Variants in PCNX4 observed in about 807,000 individuals in gnomAD.
PCNX4 encodes pecanex 4.
A neutral mutation model predicts 107.2 loss-of-function variants in PCNX4; 103 were observed. That is an observed-to-expected ratio of 0.96 (90% CI 0.82 to 1.13). The LOEUF is 1.13. Ranked by LOEUF, PCNX4 falls within the 50% of genes most tolerant of loss-of-function variation. The pLI, the probability that PCNX4 is intolerant of heterozygous loss-of-function variation, is 0.00. For missense variants in PCNX4, 1,528 were observed against 1,379.4 expected, an observed-to-expected ratio of 1.11 and a Z score of -1.71; for synonymous variants, 541 against 481.7, an observed-to-expected ratio of 1.12 and a Z score of -1.61.
intron 2 of PCNX4, among the ~76,000 whole-genome samples, chr14:60,113,399 G>A (rs528930932): frequency 5.0e-4 from 76 of 151,982 alleles, no homozygotes; most frequent in African/African-American, 1.8e-3. Context: ...ACAGAGTTTC[G>A]CTCTTGTTGC....
rs79900253 is a variant in PCNX4 at position 60,138,096 on chromosome 14, GAA to G, written c.*3889_*3890del. ...ACAGAGCGAGACTCCATCTCAAAAA[GAA>G]AAAAAAAAAAAAAGGATTCAGTGAA... On this transcript the variant is annotated 3_prime_UTR_variant, in exon 11 of 11. Coordinates refer to ENST00000406854, the MANE Select transcript of PCNX4 (RefSeq NM_001330177.2). 5 of 76,186 alleles carry G rather than the reference GAA, an allele frequency of 6.6e-5. No individual in the cohort carries two copies. The highest frequency in any genetic ancestry group is 1.4e-4 in the Admixed American group (1 of 6,942). The allele number at this position is 76,186 out of a possible 1,614,324, so 4.7% of individuals were successfully genotyped here. A position where few individuals can be genotyped will look rare whatever the true frequency, so the allele number is the denominator to read the frequency against.
chr14:60,127,474 T>C (rs1186210528), intron 10 of PCNX4, among the ~76,000 whole-genome samples: 1 of 152,158 alleles, frequency 6.6e-6, no homozygotes, highest in Non-Finnish European at 1.5e-5. Flanking sequence ...GCCAAAACCA[T>C]CCCAAGGTAG....
chr14:60,111,748 A>G (rs765645717), intron 2 of PCNX4, among the ~76,000 whole-genome samples: 39 of 152,322 alleles, frequency 2.6e-4, no homozygotes, highest in Admixed American at 3.9e-4. Flanking sequence ...ATCTTGTTGG[A>G]TTTAATATAT....
rs1896017498 is a variant in PCNX4 at position 60,124,696 on chromosome 14, A to C, written c.2525A>C (p.Gln842Pro). 1 of 1,613,276 alleles carries C rather than the reference A, an allele frequency of 6.2e-7. No homozygotes were observed. The highest frequency in any genetic ancestry group is 2.2e-5 in the East Asian group (1 of 44,882). ...AAAAAAGTAATAGAAGAAAAACATCAGTTGAAAGATTTGCCAGGTACAAAT... is the reference window on the plus strand; with the variant it reads ...AAAAAAGTAATAGAAGAAAAACATCCGTTGAAAGATTTGCCAGGTACAAAT... ...TIKKVIEEKH[Q>P]LKDLPGTNLF... The change falls in exon 9 of 11, where the codon CAG becomes CCG. Residue 842 changes from glutamine (Q) to proline (P), a missense_variant. Physicochemically the swap from Gln to Pro is moderately conservative, Grantham distance 76. Transcript: ENST00000406854.
Position 60,115,235 on chromosome 14 carries a change from T to C in PCNX4, c.1131T>C (p.Ala377=), listed in dbSNP as rs375136478. 5.1e-5 allele frequency: 83 copies of C among 1,613,222 alleles called. No individual in the cohort carries two copies. The highest frequency in any genetic ancestry group is 7.0e-5 in the Non-Finnish European group (82 of 1,179,370). Residue 377 remains alanine, a synonymous_variant, in exon 4 of 11, where the codon GCT becomes GCC. Transcript: ENST00000406854. ...AAACTAGCTTGCTTCATCACTTTGC[T>C]GGCTTCTCACAGATTTCTAAAAGCA... ...LLETSLLHHF[A]GFSQISKSNS...
intron 1 of PCNX4, among the ~76,000 whole-genome samples, chr14:60,105,301 A>G (rs160229): frequency 0.75 from 113,905 of 152,076 alleles, 44,759 homozygotes; most frequent in Non-Finnish European, 0.87. Flanking sequence ...TAGGGAAGGG[A>G]GGAGAGGACA....
chr14:60,126,064 A>G (rs1896050373), intron 10 of PCNX4: 1 of 293,310 alleles, frequency 3.4e-6, no homozygotes, highest in African/African-American at 2.2e-5. Context: ...CCATAGTGCA[A>G]TGCCTGACCT....
rs2140548369 is a variant in PCNX4, at chr14:60,114,896, A to G, written c.869+17A>G. On this transcript the variant is annotated intron_variant, in intron 3 of 10. Coordinates refer to ENST00000406854, the MANE Select transcript of PCNX4 (RefSeq NM_001330177.2). ...CCACTTACGGTATTTATTTTTAAAT[A>G]TTGATGTTATATGTAATATTCTTAA... 6.3e-7 allele frequency: 1 copy of G among 1,586,652 alleles called. No individual in the cohort carries two copies. The highest frequency in any genetic ancestry group is 1.9e-5 in the Admixed American group (1 of 52,876).
chr14:60,123,114 A>AT (rs1159883305), intron 8 of PCNX4, among the ~76,000 whole-genome samples: 2 of 152,162 alleles, frequency 1.3e-5, no homozygotes, highest in Non-Finnish European at 2.9e-5. Flanking sequence ...GACAAAAAAT[A>AT]TTGAGGACAT....
chr14:60,122,697 G>T (rs528573770), intron 8 of PCNX4, among the ~76,000 whole-genome samples: 110 of 152,148 alleles, frequency 7.2e-4, no homozygotes, highest in African/African-American at 2.4e-3. Context: ...CACTTTATAA[G>T]TAGTATCATA....
intron 2 of PCNX4, among the ~76,000 whole-genome samples, chr14:60,114,166 A>G (rs769547044): frequency 1.3e-5 from 2 of 152,252 alleles, no homozygotes; most frequent in Non-Finnish European, 2.9e-5. Flanking sequence ...GGAGCGGGAC[A>G]GTACAAGACA....
At chr14:60,117,119 A>T (rs1293358418) in intron 6 of PCNX4, among the ~76,000 whole-genome samples, 1 of 152,186 alleles carries the variant, frequency 6.6e-6, no homozygotes, top group East Asian at 1.9e-4. Context: ...AAAATATTTT[A>T]AAAATAAATT....
Position 60,124,464 on chromosome 14 carries a change from G to A in PCNX4, c.2293G>A (p.Val765Met), listed in dbSNP as rs376546224. ...TAAAGGTGACCTCATTAAAGTACTT[G>A]TGTGGATACTTGTTCAATACTGCTC... ...EFKGDLIKVLVWILVQYCSKR... is the reference protein window; with the variant it reads ...EFKGDLIKVLMWILVQYCSKR... The change falls in exon 9 of 11, where the codon GTG (valine) becomes ATG (methionine). Residue 765 changes from valine (V) to methionine (M), a missense_variant. By Grantham distance (21) the Val-to-Met change is conservative. Transcript: ENST00000406854. 2 of 1,613,594 alleles carry A rather than the reference G, an allele frequency of 1.2e-6. No homozygotes were observed. The highest frequency in any genetic ancestry group is 2.2e-5 in the East Asian group (1 of 44,878).
chr14:60,117,172 TGTATA>T (rs1475706409), intron 6 of PCNX4, among the ~76,000 whole-genome samples: 1 of 152,186 alleles, frequency 6.6e-6, no homozygotes, highest in African/African-American at 2.4e-5. Flanking sequence ...TCTACAGTAG[TGTATA>T]GTAATGTCCT....
At chr14:60,128,993 A>T (rs905752812) in intron 10 of PCNX4, among the ~76,000 whole-genome samples, 3 of 150,954 alleles carry the variant, frequency 2.0e-5, no homozygotes, top group African/African-American at 7.3e-5. Flanking sequence ...CAGGCGGATC[A>T]CCTGAAGTCA....
chr14:60,121,069 A>T, intron 7 of PCNX4, 127 bp from the exon 8 acceptor site: 1 of 1,174,562 alleles, frequency 8.5e-7, no homozygotes, highest in African/African-American at 1.6e-5. Context: ...TTCTTGACCT[A>T]ATGAGAGGGT....
intron 10 of PCNX4, among the ~76,000 whole-genome samples, chr14:60,128,734 A>G (rs1450000056): frequency 4.6e-5 from 7 of 152,354 alleles, no homozygotes; most frequent in East Asian, 1.9e-4. Flanking sequence ...TTGAAAAGCA[A>G]TTCTATAAAA....
At chr14:60,100,170 G>GA (rs1895502303) in intron 1 of PCNX4, among the ~76,000 whole-genome samples, 1 of 151,248 alleles carries the variant, frequency 6.6e-6, no homozygotes, top group South Asian at 2.1e-4. Context: ...AAATTCGTAA[G>GA]AAAAATGTTC....
At chr14:60,127,148 A>C (rs533933415) in intron 10 of PCNX4, among the ~76,000 whole-genome samples, 1 of 152,358 alleles carries the variant, frequency 6.6e-6, no homozygotes, top group African/African-American at 2.4e-5. Flanking sequence ...GTTTTATGAT[A>C]GTGTCAAAAA....
Sources: allele counts gnomAD v4.1 joint callset (sites outside exome capture counted in the v4.1 genomes callset), GRCh38; gene constraint gnomAD v4.1.1; transcripts MANE v1.5; gene names NCBI Gene and HGNC (gene_info 2026-07-23, HGNC 2026-07-21).